Variants in MUC5AC observed in about 807,000 individuals in gnomAD.
MUC5AC encodes mucin 5AC, oligomeric mucus/gel-forming.
A neutral mutation model predicts 169.7 loss-of-function variants in MUC5AC; 158 were observed. The observed-to-expected ratio is 0.93, with a 90% CI of 0.82 to 1.06. MUC5AC has a LOEUF of 1.06. MUC5AC is among the 50% of genes least tolerant of loss of function. MUC5AC has a pLI of 0.00. For missense variants in MUC5AC, 4,359 were observed against 3,089.9 expected, an observed-to-expected ratio of 1.41 and a Z score of -9.74; for synonymous variants, 1,975 against 1,237.0, an observed-to-expected ratio of 1.60 and a Z score of -12.52.
intron 48 of MUC5AC, 32 bp downstream of exon 48, chr11:1,200,001 G>T (rs766371902): frequency 2.8e-6 from 2 of 725,530 alleles, no homozygotes; most frequent in Non-Finnish European, 5.0e-6. Context: ...AGGGAGACGC[G>T]ATTGGCTGTG....
chr11:1,199,824 G>T (rs1170580827), intron 47 of MUC5AC, 31 bp from the exon 48 acceptor site: 2 of 747,752 alleles, frequency 2.7e-6, no homozygotes, highest in Non-Finnish European at 4.9e-6. Context: ...GGAGCAGCTG[G>T]GCTGGTCCTA....
At position 1,192,484 on chromosome 11, in the gene MUC5AC, A is replaced by C. The variant is rs780959464; in HGVS notation, c.14339A>C (p.Gln4780Pro). The change falls in exon 31 of 49, where the codon CAA becomes CCA. Residue 4780 changes from glutamine to proline, a missense_variant. Gln to Pro is a moderately conservative substitution (Grantham distance 76, BLOSUM62 -1). Coordinates refer to ENST00000621226, the MANE Select transcript of MUC5AC (RefSeq NM_001304359.2). ...TCCAGCTCTGTGGCTTACTCCACCC[A>C]AACCTGCTTCTGCAACGTGGCTGAC... ...VASSSVAYST[Q>P]TCFCNVADRL... 2.4e-5 allele frequency: 18 copies of C among 765,020 alleles called. No individual in the cohort carries two copies. In the Admixed American group the frequency reaches 3.0e-4, roughly 13 times the overall value. The allele number at this position is 765,020 out of a possible 1,614,324, so 47.4% of individuals were successfully genotyped here. A position where few individuals can be genotyped will look rare whatever the true frequency, so the allele number is the denominator to read the frequency against.
chr11:1,182,112 G>A, intron 30 of MUC5AC, 43 bp from the exon 31 acceptor site: 1 of 398,536 alleles, frequency 2.5e-6, no homozygotes, highest in Non-Finnish European at 4.4e-6. Context: ...CGGCCCCCAA[G>A]TGCGGGCCTC....
In MUC5AC at chr11:1,177,324, G is replaced by A; in HGVS notation, c.2887G>A (p.Ala963Thr). 2 of 457,048 alleles carry A rather than the reference G, an allele frequency of 4.4e-6. No homozygotes were observed. The highest frequency in any genetic ancestry group is 7.8e-6 in the Non-Finnish European group (2 of 256,596). The allele number at this position is 457,048 out of a possible 1,614,324, so 28.3% of individuals were successfully genotyped here. The change falls in exon 23 of 49, where the codon GCC (alanine) becomes ACC (threonine). Residue 963 changes from alanine (A) to threonine (T), a missense_variant. Transcript: ENST00000621226. ...CGTTGTTCSK[A>T]IKIFLGGFEL... Reference sequence around the variant, plus strand: ...CACCACAGGGACCACCTGCTCCAAGGCCATCAAGATTTTCCTGGGGGTGAG... The same window carrying A: ...CACCACAGGGACCACCTGCTCCAAGACCATCAAGATTTTCCTGGGGGTGAG...
At chr11:1,173,867 TC>T (rs1860613713) in intron 16 of MUC5AC, among the ~76,000 whole-genome samples, 2 of 119,514 alleles carry the variant, frequency 1.7e-5, no homozygotes, top group South Asian at 4.6e-4. Context: ...TACTCATTCA[TC>T]CACTCACTCA....
At chr11:1,163,164 GCCCT>G in intron 6 of MUC5AC, 119 bp downstream of exon 6, 1 of 948,870 alleles carries the variant, frequency 1.1e-6, no homozygotes, top group African/African-American at 1.6e-5. Context: ...GGATGCAGCT[GCCCT>G]CCCTCCTAGC....
chr11:1,197,424 G>A (rs1428967764), intron 40 of MUC5AC, 44 bp from the exon 41 acceptor site: 3 of 696,884 alleles, frequency 4.3e-6, no homozygotes, highest in Admixed American at 2.0e-5. Flanking sequence ...GCACCCCTGG[G>A]TGGAGCCGCT....
chr11:1,168,600 C>G, intron 13 of MUC5AC, 42 bp from the exon 14 acceptor site: 5 of 1,612,126 alleles, frequency 3.1e-6, no homozygotes, highest in Non-Finnish European at 4.2e-6. Flanking sequence ...TGGGGTCCCG[C>G]CCCACAGCCC....
At chr11:1,165,797 G>C in intron 11 of MUC5AC, 37 bp downstream of exon 11, 1 of 1,607,860 alleles carries the variant, frequency 6.2e-7, no homozygotes, top group Non-Finnish European at 8.5e-7. Context: ...GCCGGACAGA[G>C]GGGGCCCATG....
rs538213053 is a variant in MUC5AC at position 1,198,886 on chromosome 11, G to A, written c.16186G>A (p.Val5396Ile). ...TGGCTCTCCCCAGCCCGGCGCCGTGGTCTCCTCGAGCCTGTGCGAAACCTG... is the reference window on the plus strand; with the variant it reads ...TGGCTCTCCCCAGCCCGGCGCCGTGATCTCCTCGAGCCTGTGCGAAACCTG... ...NGTLYQPGAV[V>I]SSSLCETCRC... Residue 5396 changes from valine (V) to isoleucine (I), a missense_variant, in exon 44 of 49, where the codon GTC becomes ATC. Val to Ile is a conservative substitution (Grantham distance 29, BLOSUM62 3). Transcript: ENST00000621226. 7.3e-5 allele frequency: 55 copies of A among 749,562 alleles called. No individual in the cohort carries two copies. In the South Asian group the frequency reaches 7.4e-4, roughly 10 times the overall value. The allele number at this position is 749,562 out of a possible 1,614,324, so 46.4% of individuals were successfully genotyped here. A position where few individuals can be genotyped will look rare whatever the true frequency, so the allele number is the denominator to read the frequency against.
Position 1,189,983 on chromosome 11 carries a change from C to G in MUC5AC, c.11838C>G (p.Ser3946=), listed in dbSNP as rs1861049440. 2.6e-6 allele frequency: 2 copies of G among 765,142 alleles called. No homozygotes were observed. The highest frequency in any genetic ancestry group is 2.4e-5 in the East Asian group (1 of 41,256). 47.4% of individuals were successfully genotyped at this position (765,142 alleles called of 1,614,324 possible). ...SHVSVSKTTH[S]QPVTRDCHPR... ...TTTCTGTATCCAAGACAACCCACTC[C>G]CAACCAGTCACCAGAGACTGTCATC... The change falls in exon 31 of 49, where the codon TCC becomes TCG. Residue 3946 remains serine, a synonymous_variant. Transcript: ENST00000621226.
chr11:1,192,050 G>A lies in MUC5AC; in HGVS notation c.13905G>A (p.Lys4635=), dbSNP rs71251383. The change falls in exon 31 of 49, where the codon AAG becomes AAA. Residue 4635 remains lysine (K), a synonymous_variant. Transcript: ENST00000621226. ...SDCHPLCAWT[K]WFDVDFPSPG... is the part of the protein sequence containing the mutation. ...GTCATCCTCTGTGCGCCTGGACAAAGTGGTTCGACGTGGACTTCCCATCCC... is the reference window on the plus strand; with the variant it reads ...GTCATCCTCTGTGCGCCTGGACAAAATGGTTCGACGTGGACTTCCCATCCC... 3 of 765,136 alleles carry A rather than the reference G, an allele frequency of 3.9e-6. No homozygotes were observed. Among genetic ancestry groups the A allele is most frequent in the Middle Eastern group, 2.3e-4 (1 of 4,438 alleles). The allele number at this position is 765,136 out of a possible 1,614,324, so 47.4% of individuals were successfully genotyped here.
Position 1,187,518 on chromosome 11 carries a change from A to C in MUC5AC, c.9373A>C (p.Ser3125Arg). 1.3e-6 allele frequency: 1 copy of C among 745,554 alleles called. No homozygotes were observed. 46.2% of individuals were successfully genotyped at this position (745,554 alleles called of 1,614,324 possible). ...SKTSGLGTTPSPIPTTSTTSP... is the reference protein window; with the variant it reads ...SKTSGLGTTPRPIPTTSTTSP... ...AACCTCTGGTCTTGGAACTACTCCC[A>C]GCCCTATTCCTACCACCAGCACAAC... Residue 3125 changes from serine to arginine, a missense_variant, in exon 31 of 49, where the codon AGC becomes CGC. Ser to Arg is a moderately radical substitution (Grantham distance 110, BLOSUM62 -1). Transcript: ENST00000621226.
In MUC5AC at chr11:1,194,470, C is replaced by T. The variant is rs1031502362; in HGVS notation, c.15007-17C>T. 6 of 743,490 alleles carry T rather than the reference C, an allele frequency of 8.1e-6. No individual in the cohort carries two copies. The highest frequency in any genetic ancestry group is 3.5e-5 in the Admixed American group (2 of 57,388). The allele number at this position is 743,490 out of a possible 1,614,324, so 46.1% of individuals were successfully genotyped here. Reference sequence around the variant, plus strand: ...CGCCTGCCTTCTGACTTCCCGTCGACCACGCCCTGCGTCCAGATCATCTTC... The same window carrying T: ...CGCCTGCCTTCTGACTTCCCGTCGATCACGCCCTGCGTCCAGATCATCTTC... On this transcript the variant is annotated splice_polypyrimidine_tract_variant and intron_variant, in intron 34 of 48. Coordinates refer to ENST00000621226, the MANE Select transcript of MUC5AC (RefSeq NM_001304359.2).
intron 36 of MUC5AC, 57 bp from the exon 37 acceptor site, chr11:1,195,819 G>A (rs1030941692): frequency 3.9e-5 from 29 of 739,716 alleles, no homozygotes; most frequent in Non-Finnish European, 7.2e-5. Flanking sequence ...AGCCTGACGT[G>A]GAGCAGGCAG....
At chr11:1,195,851 A>G (rs1253878138) in intron 36 of MUC5AC, 25 bp from the exon 37 acceptor site, 1 of 761,018 alleles carries the variant, frequency 1.3e-6, no homozygotes, top group Admixed American at 1.7e-5. Flanking sequence ...GGCTGCACCC[A>G]GCACCCTGCC....
intron 32 of MUC5AC, 67 bp from the exon 33 acceptor site, chr11:1,193,418 C>T (rs1861174508): frequency 1.5e-6 from 1 of 662,528 alleles, no homozygotes; most frequent in Non-Finnish European, 2.8e-6. Context: ...GACTGTGACC[C>T]CGAGAACCAA....
chr11:1,174,483 C>G lies in MUC5AC; in HGVS notation c.1966-13C>G. The G allele has an allele frequency of 6.6e-7, 1 of 1,508,016 alleles. No individual in the cohort carries two copies. The highest frequency in any genetic ancestry group is 8.9e-7 in the Non-Finnish European group (1 of 1,118,036). 93.4% of individuals were successfully genotyped at this position (1,508,016 alleles called of 1,614,324 possible). A position where few individuals can be genotyped will look rare whatever the true frequency, so the allele number is the denominator to read the frequency against. On this transcript the variant is annotated splice_polypyrimidine_tract_variant and intron_variant, in intron 16 of 48. Transcript: ENST00000621226. ...TGGGGTCTCTGATGCCCCGATGACC[C>G]CCTTCCCTGCAGAACTGCATGTTTG...
chr11:1,193,145 G>C (rs1861167946), intron 32 of MUC5AC, among the ~76,000 whole-genome samples, 163 bp downstream of exon 32: 1 of 152,264 alleles, frequency 6.6e-6, no homozygotes, highest in Non-Finnish European at 1.5e-5. Flanking sequence ...CGGCGTCTCT[G>C]ATCACCCTGG....
Sources: gnomAD v4.1 joint callset for allele counts (sites outside exome capture counted in the v4.1 genomes callset) on GRCh38, gnomAD v4.1.1 for gene constraint, MANE v1.5 for transcripts, NCBI Gene and HGNC (gene_info 2026-07-23, HGNC 2026-07-21) for gene names.